Variants in TMC7 observed in about 807,000 individuals in gnomAD.
TMC7 encodes the protein transmembrane channel like 7, also known as transmembrane channel-like protein 7.
TMC7 carries 54 observed loss-of-function variants against 82.9 expected under a neutral mutation model. The observed-to-expected ratio is 0.65, with a 90% CI of 0.52 to 0.82. TMC7 has a LOEUF of 0.82. Among genes scored for constraint, TMC7 ranks in the 40% least tolerant of loss-of-function variants. The pLI is 0.00. For missense variants in TMC7, 820 were observed against 901.2 expected (o/e 0.91, Z 1.15); for synonymous variants, 350 against 337.9 (o/e 1.04, Z -0.39).
chr16:19,052,949 A>T (rs1961603565), intron 13 of TMC7, among the ~76,000 whole-genome samples: 1 of 152,130 alleles, frequency 6.6e-6, no homozygotes, highest in Non-Finnish European at 1.5e-5. Context: ...CTGATCTCAA[A>T]TGATCCACCC....
intron 1 of TMC7, among the ~76,000 whole-genome samples, chr16:18,992,762 A>G (rs1194339895): frequency 1.3e-5 from 2 of 152,134 alleles, no homozygotes; most frequent in South Asian, 4.1e-4. Context: ...TCCATCTTGA[A>G]TTAATTTTTG....
chr16:18,989,807 C>T lies in TMC7; in HGVS notation c.67+5677C>T, dbSNP rs1375307024. ...CAGGTGGGGTGGTCCAGAGGCCTCT[C>T]GGGGGGAGGCGACTCCTTTTTTTTA... On this transcript the variant is annotated intron_variant, in intron 1 of 15. Coordinates refer to ENST00000304381, the MANE Select transcript of TMC7 (RefSeq NM_024847.4). Among the ~76,000 whole-genome samples the T allele has an allele frequency of 2.0e-5, 3 of 151,490 alleles. 1 individual carries two copies. The highest frequency in any genetic ancestry group is 4.9e-5 in the African/African-American group (2 of 41,204).
At chr16:19,007,521 G>A (rs1351254955) in intron 1 of TMC7, among the ~76,000 whole-genome samples, 3 of 152,086 alleles carry the variant, frequency 2.0e-5, no homozygotes, top group Non-Finnish European at 1.5e-5. Context: ...CCACTTATGG[G>A]TTCCCTCTGC....
intron 2 of TMC7, 109 bp from the exon 3 acceptor site, chr16:19,016,341 C>T (rs764207545): frequency 1.4e-4 from 190 of 1,353,784 alleles, no homozygotes; most frequent in Middle Eastern, 2.4e-4. Context: ...CCACCTGCCT[C>T]GGCCTCCCAG....
chr16:19,040,097 C>T (rs1301673277), intron 8 of TMC7, among the ~76,000 whole-genome samples, 192 bp from the exon 9 acceptor site: 1 of 101,682 alleles, frequency 9.8e-6, no homozygotes, highest in East Asian at 3.2e-4. Context: ...GCCTGGGTGA[C>T]AGAAGGAGAC....
chr16:18,995,388 G>A (rs143385314), intron 1 of TMC7, among the ~76,000 whole-genome samples: 2,025 of 152,320 alleles, frequency 0.013, 46 homozygotes, highest in African/African-American at 0.047. Flanking sequence ...GGCAGCATCA[G>A]TCTTCAGCCA....
At chr16:19,042,516 T>C (rs143781847) in intron 9 of TMC7, among the ~76,000 whole-genome samples, 2,533 of 138,596 alleles carry the variant, frequency 0.018, 41 homozygotes, top group Non-Finnish European at 0.029. Context: ...TTTTTTTTTT[T>C]CTTTTTTTTG....
At chr16:19,039,798 G>C (rs1960924718) in intron 8 of TMC7, among the ~76,000 whole-genome samples, 1 of 152,090 alleles carries the variant, frequency 6.6e-6, no homozygotes. Flanking sequence ...CACAGTACTA[G>C]ATACCTCTTT....
At chr16:19,023,248 T>A (rs1296640917) in intron 5 of TMC7, 53 bp downstream of exon 5, 5 of 1,269,426 alleles carry the variant, frequency 3.9e-6, no homozygotes, top group Non-Finnish European at 5.6e-6. Context: ...TAAAAATTGA[T>A]TGATTTAAAG....
intron 4 of TMC7, among the ~76,000 whole-genome samples, 196 bp downstream of exon 4, chr16:19,021,992 A>G (rs1960001781): frequency 6.6e-6 from 1 of 152,194 alleles, no homozygotes; most frequent in African/African-American, 2.4e-5. Flanking sequence ...CAGGCACGAC[A>G]GCATAACAGT....
At chr16:19,001,588 G>A (rs1016905390) in intron 1 of TMC7, among the ~76,000 whole-genome samples, 3 of 152,102 alleles carry the variant, frequency 2.0e-5, no homozygotes, top group African/African-American at 7.2e-5. Flanking sequence ...AGCCTGAGGC[G>A]AGGAGTATTG....
intron 6 of TMC7, among the ~76,000 whole-genome samples, chr16:19,031,691 A>AC (rs1450201949): frequency 6.6e-6 from 1 of 151,952 alleles, no homozygotes; most frequent in Admixed American, 6.6e-5. Flanking sequence ...AAACAAACAA[A>AC]ACAAAAACAA....
At chr16:19,007,119 C>T (rs1195287152) in intron 1 of TMC7, among the ~76,000 whole-genome samples, 1 of 152,096 alleles carries the variant, frequency 6.6e-6, no homozygotes, top group African/African-American at 2.4e-5. Flanking sequence ...GCCACCGTGC[C>T]TGGCTGTCCC....
intron 14 of TMC7, 64 bp from the exon 15 acceptor site, chr16:19,059,352 T>C: frequency 6.3e-7 from 1 of 1,578,228 alleles, no homozygotes. Context: ...ATATGTTGGG[T>C]TATTTTTCTA....
intron 5 of TMC7, 144 bp from the exon 6 acceptor site, chr16:19,030,080 T>C (rs1960438795): frequency 7.7e-6 from 6 of 782,014 alleles, no homozygotes; most frequent in South Asian, 3.7e-5. Flanking sequence ...GAATACTCCC[T>C]GTGCCTCTGG....
chr16:19,058,496 C>T (rs75695464), intron 14 of TMC7, among the ~76,000 whole-genome samples: 2,005 of 152,336 alleles, frequency 0.013, 52 homozygotes, highest in African/African-American at 0.046. Flanking sequence ...AGAGCCTCCA[C>T]AGTGATCATC....
rs774999822 is a variant in TMC7 at position 19,050,298 on chromosome 16, C to T, written c.1741-1388C>T. 1.1e-4 allele frequency among the ~76,000 whole-genome samples: 13 copies of T among 118,876 alleles called. No homozygotes were observed. In the South Asian group the frequency reaches 2.6e-3, roughly 24 times the overall value. The allele number at this position is 118,876 out of a possible 152,430, so 78.0% of individuals were successfully genotyped here. On this transcript the variant is annotated intron_variant, in intron 12 of 15. Coordinates refer to ENST00000304381, the MANE Select transcript of TMC7 (RefSeq NM_024847.4). ...AGCAGGATGGCATGAATCCGGGAGG[C>T]GGAGCTTGCAGTGAGCCGAGATCGC...
chr16:19,056,703 T>C lies in TMC7; in HGVS notation c.2027+6T>C, dbSNP rs1961789409. The C allele has an allele frequency of 6.2e-7, 1 of 1,613,262 alleles. No individual in the cohort carries two copies. Among genetic ancestry groups the C allele is most frequent in the East Asian group, 2.2e-5 (1 of 44,858 alleles). ...CCTTTCTTCATGATTATTTGGTGAGTGAGAACCACCAGGACCCACTGAGGC... is the reference window on the plus strand; with the variant it reads ...CCTTTCTTCATGATTATTTGGTGAGCGAGAACCACCAGGACCCACTGAGGC... On this transcript the variant is annotated splice_donor_region_variant and intron_variant, in intron 14 of 15. Coordinates refer to ENST00000304381, the MANE Select transcript of TMC7 (RefSeq NM_024847.4).
At position 19,030,509 on chromosome 16, in the gene TMC7, T is replaced by C; in HGVS notation, c.857+140T>C. 5.3e-6 allele frequency: 5 copies of C among 936,232 alleles called. No homozygotes were observed. The South Asian group carries it at 6.5e-5, about 12-fold the overall frequency. The allele number at this position is 936,232 out of a possible 1,614,324, so 58.0% of individuals were successfully genotyped here. A position where few individuals can be genotyped will look rare whatever the true frequency, so the allele number is the denominator to read the frequency against. On this transcript the variant is annotated intron_variant, in intron 6 of 15. Coordinates refer to ENST00000304381, the MANE Select transcript of TMC7 (RefSeq NM_024847.4). The stretch of plus-strand genomic sequence containing the variant: ...TTGTGGGGAAGGGTTTGTGAGTCCA[T>C]TGGCAGCTGAAGAGACCTGGGAGAA...
Sources: allele counts gnomAD v4.1 joint callset (sites outside exome capture counted in the v4.1 genomes callset), GRCh38; gene constraint gnomAD v4.1.1; transcripts MANE v1.5; gene names NCBI Gene and HGNC (gene_info 2026-07-23, HGNC 2026-07-21).